CDH18: variants seen among roughly 807,000 people sequenced by gnomAD.
CDH18 encodes cadherin-18.
In CDH18, 31 loss-of-function variants were observed where a neutral mutation model predicts 67.9. That is an observed-to-expected ratio of 0.46 (90% confidence interval 0.34 to 0.62). The LOEUF (loss-of-function observed/expected upper bound fraction) is 0.62, where lower values mean the gene tolerates loss of function less well. Ranked by LOEUF, CDH18 falls within the 20% of genes least tolerant of loss-of-function variation. The pLI, the probability that CDH18 is intolerant of heterozygous loss-of-function variation, is 0.01. For synonymous variants in CDH18, 362 were observed against 347.2 expected (o/e 1.04, Z -0.48); for missense variants, 890 against 975.5 (o/e 0.91, Z 1.17).
intron 2 of CDH18, among the ~76,000 whole-genome samples, chr5:20,017,425 A>G (rs1737971650): frequency 6.6e-6 from 1 of 152,160 alleles, no homozygotes; most frequent in African/African-American, 2.4e-5. Flanking sequence ...TATGAGTAGT[A>G]TTGGGCTAAT....
intron 11 of CDH18, among the ~76,000 whole-genome samples, chr5:19,497,940 C>A (rs542215363): frequency 6.6e-6 from 1 of 152,290 alleles, no homozygotes; most frequent in East Asian, 1.9e-4. Context: ...GAAGAAAACA[C>A]AAGCCTCCTG....
intron 3 of CDH18, among the ~76,000 whole-genome samples, chr5:19,792,137 T>C (rs1055324884): frequency 2.6e-5 from 4 of 152,148 alleles, no homozygotes; most frequent in African/African-American, 4.8e-5. Flanking sequence ...GATGTGTCTA[T>C]GAGAATGTTT....
chr5:20,033,204 T>C (rs73762484), intron 2 of CDH18, among the ~76,000 whole-genome samples: 1 of 147,138 alleles, frequency 6.8e-6, no homozygotes, highest in South Asian at 2.2e-4. Flanking sequence ...TCTTCCTTTT[T>C]AAAAAAAAAA....
intron 4 of CDH18, among the ~76,000 whole-genome samples, chr5:19,736,325 G>C (rs528546791): frequency 6.6e-6 from 1 of 152,120 alleles, no homozygotes; most frequent in Non-Finnish European, 1.5e-5. Flanking sequence ...AGGCTGCAGT[G>C]AGCCATAATC....
intron 5 of CDH18, among the ~76,000 whole-genome samples, chr5:19,641,759 G>A (rs1466823418): frequency 6.6e-6 from 1 of 151,896 alleles, no homozygotes; most frequent in African/African-American, 2.4e-5. Flanking sequence ...CTAAGATCCA[G>A]TATAGAGCTA....
At chr5:20,195,240 C>T (rs575459079) in intron 2 of CDH18, among the ~76,000 whole-genome samples, 1 of 152,100 alleles carries the variant, frequency 6.6e-6, no homozygotes, top group Non-Finnish European at 1.5e-5. Flanking sequence ...TTATCCATTA[C>T]TTACTGTTAT....
chr5:19,699,628 GTGTGTGTGTGTGTC>G (rs1762964169), intron 5 of CDH18, among the ~76,000 whole-genome samples: 1 of 124,784 alleles, frequency 8.0e-6, no homozygotes, highest in Non-Finnish European at 1.6e-5. Context: ...GTGTGTGTGT[GTGTGTGTGTGTGTC>G]TGTGTGTGTG....
chr5:20,041,974 GA>G (rs1740464957), intron 2 of CDH18, among the ~76,000 whole-genome samples: 1 of 152,138 alleles, frequency 6.6e-6, no homozygotes, highest in African/African-American at 2.4e-5. Flanking sequence ...ATGCTTTATG[GA>G]AATACAAGTG....
intron 2 of CDH18, among the ~76,000 whole-genome samples, chr5:20,141,795 G>A (rs1176557759): frequency 1.3e-5 from 2 of 151,988 alleles, no homozygotes; most frequent in Non-Finnish European, 2.9e-5. Flanking sequence ...AATTGAAGGA[G>A]GAGGAATTTA....
chr5:20,296,335 G>C (rs1561948270), intron 1 of CDH18, among the ~76,000 whole-genome samples: 1 of 151,108 alleles, frequency 6.6e-6, no homozygotes, highest in Non-Finnish European at 1.5e-5. Flanking sequence ...CTCACTGCAA[G>C]CTCCACCTCC....
At chr5:19,537,626 C>T (rs1009202428) in intron 9 of CDH18, among the ~76,000 whole-genome samples, 1 of 152,112 alleles carries the variant, frequency 6.6e-6, no homozygotes, top group Non-Finnish European at 1.5e-5. Context: ...CCCTATGAAA[C>T]CTTCACTGAT....
intron 5 of CDH18, among the ~76,000 whole-genome samples, chr5:19,644,875 T>G (rs1210946747): frequency 6.6e-6 from 1 of 152,174 alleles, no homozygotes; most frequent in Non-Finnish European, 1.5e-5. Flanking sequence ...TCAGCACATC[T>G]GAGACAAGCT....
chr5:19,743,696 G>A (rs891102004), intron 4 of CDH18, among the ~76,000 whole-genome samples: 5 of 152,194 alleles, frequency 3.3e-5, no homozygotes, highest in Middle Eastern at 3.4e-3. Context: ...CCAGAAGGGC[G>A]GATCATTTGA....
At chr5:19,947,444 T>C (rs763446351) in intron 2 of CDH18, among the ~76,000 whole-genome samples, 4 of 151,798 alleles carry the variant, frequency 2.6e-5, no homozygotes, top group Non-Finnish European at 5.9e-5. Flanking sequence ...TAAACTTGAC[T>C]CTTTTGAAAA....
intron 1 of CDH18, among the ~76,000 whole-genome samples, chr5:20,405,062 C>A (rs532047470): frequency 7.8e-4 from 118 of 152,232 alleles, no homozygotes; most frequent in Non-Finnish European, 1.2e-3. Context: ...CAATGACTTT[C>A]TTCACAGAAT....
intron 1 of CDH18, among the ~76,000 whole-genome samples, chr5:20,303,188 A>G (rs1736096436): frequency 6.6e-6 from 1 of 152,186 alleles, no homozygotes; most frequent in Admixed American, 6.5e-5. Context: ...TGATCAGGGT[A>G]CAAATGTCTA....
chr5:20,289,860 A>G (rs1746974930), intron 1 of CDH18, among the ~76,000 whole-genome samples: 1 of 152,114 alleles, frequency 6.6e-6, no homozygotes, highest in Non-Finnish European at 1.5e-5. Flanking sequence ...CAAAAGAACA[A>G]GGCAAAGAGA....
chr5:19,783,722 CA>C lies in CDH18; in HGVS notation c.229-36487del, dbSNP rs1775384337. On this transcript the variant is annotated intron_variant, in intron 3 of 12. Transcript: ENST00000382275. ...TTGCTATGAGGTGGAGTCTCATCTC[CA>C]TGTGTTATGATTATCCTGAAACATT... is the stretch of plus-strand genomic sequence containing the variant. Among the ~76,000 whole-genome samples the C allele has an allele frequency of 2.6e-5, 4 of 152,120 alleles. 1 individual carries two copies. Among genetic ancestry groups the C allele is most frequent in the African/African-American group, 9.7e-5 (4 of 41,438 alleles).
intron 2 of CDH18, among the ~76,000 whole-genome samples, chr5:20,196,501 A>T (rs2126735866): frequency 6.6e-6 from 1 of 152,328 alleles, no homozygotes; most frequent in Non-Finnish European, 1.5e-5. Flanking sequence ...TTTCAAAAGT[A>T]TTAAATGTGT....
Sources: allele counts gnomAD v4.1 joint callset (sites outside exome capture counted in the v4.1 genomes callset), GRCh38; gene constraint gnomAD v4.1.1; transcripts MANE v1.5; gene names NCBI Gene and HGNC (gene_info 2026-07-23, HGNC 2026-07-21).